Variants in ANK1 observed in about 807,000 individuals in gnomAD.
ANK1 encodes the protein ankyrin-1.
Under a neutral mutation model 210.4 loss-of-function variants are expected in ANK1, and 51 were observed. That is an observed-to-expected ratio of 0.24 (90% CI 0.19 to 0.31). The LOEUF is 0.31. ANK1 is among the 10% of genes least tolerant of loss of function. The pLI is 1.00. For missense variants in ANK1, 2,051 were observed against 2,504.4 expected (o/e 0.82, Z 3.86); for synonymous variants, 967 against 1,025.9 (o/e 0.94, Z 1.10).
chr8:41,846,470 G>C (rs1333123462), intron 1 of ANK1, among the ~76,000 whole-genome samples: 3 of 152,218 alleles, frequency 2.0e-5, no homozygotes, highest in African/African-American at 7.2e-5. Context: ...TGTGTCACCT[G>C]CCCCATCTGA....
intron 1 of ANK1, among the ~76,000 whole-genome samples, chr8:41,874,220 TC>T (rs1290106754): frequency 6.6e-6 from 1 of 152,210 alleles, no homozygotes; most frequent in Admixed American, 6.5e-5. Flanking sequence ...CTGAACTGTC[TC>T]AGGGACACCC....
chr8:41,709,678 T>C (rs1223601005), intron 16 of ANK1, among the ~76,000 whole-genome samples: 1 of 152,234 alleles, frequency 6.6e-6, no homozygotes, highest in Non-Finnish European at 1.5e-5. Flanking sequence ...TTCATGCCTG[T>C]ATTCCCAACA....
At chr8:41,784,996 C>T (rs753398880) in intron 1 of ANK1, among the ~76,000 whole-genome samples, 10 of 152,234 alleles carry the variant, frequency 6.6e-5, no homozygotes, top group Non-Finnish European at 1.3e-4. Context: ...GGAAGAGCGA[C>T]GCTGGGCTTT....
At chr8:41,811,300 T>C (rs1231519002) in intron 1 of ANK1, among the ~76,000 whole-genome samples, 2 of 152,192 alleles carry the variant, frequency 1.3e-5, no homozygotes, top group African/African-American at 4.8e-5. Flanking sequence ...ATTCCTCTCA[T>C]AGTTATCTTG....
At chr8:41,718,083 G>A in intron 11 of ANK1, 23 bp downstream of exon 11, 3 of 1,611,638 alleles carry the variant, frequency 1.9e-6, no homozygotes, top group Non-Finnish European at 2.5e-6. Context: ...CCTGCCCCCA[G>A]GCTCCTCTGC....
intron 10 of ANK1, 125 bp from the exon 11 acceptor site, chr8:41,718,329 A>G (rs934303562): frequency 8.7e-6 from 7 of 803,702 alleles, no homozygotes; most frequent in Non-Finnish European, 1.5e-5. Context: ...ATGCCCATAG[A>G]CCAATCAACG....
chr8:41,664,919 A>G, intron 39 of ANK1: 2 of 1,614,256 alleles, frequency 1.2e-6, no homozygotes, highest in Non-Finnish European at 1.7e-6. Context: ...GCTTTAGCAC[A>G]AAGCACAGGG....
chr8:41,887,469 G>A (rs551940485), intron 1 of ANK1, among the ~76,000 whole-genome samples: 36 of 152,108 alleles, frequency 2.4e-4, no homozygotes, highest in African/African-American at 8.2e-4. Flanking sequence ...GTGTTGCCCA[G>A]GCTGGTCTTG....
intron 37 of ANK1, among the ~76,000 whole-genome samples, chr8:41,679,786 G>C (rs1586005990): frequency 6.6e-6 from 1 of 151,102 alleles, no homozygotes; most frequent in South Asian, 2.1e-4. Flanking sequence ...GGATGGTCTC[G>C]ATCTCCTGAC....
chr8:41,791,557 G>A (rs924681533), intron 1 of ANK1, among the ~76,000 whole-genome samples: 1 of 151,834 alleles, frequency 6.6e-6, no homozygotes, highest in African/African-American at 2.4e-5. Flanking sequence ...TCAGCCTCCT[G>A]AGTAGCTGGG....
At chr8:41,735,231 GT>G (rs1194976190) in intron 2 of ANK1, among the ~76,000 whole-genome samples, 1 of 152,216 alleles carries the variant, frequency 6.6e-6, no homozygotes, top group Non-Finnish European at 1.5e-5. Context: ...ACATCAAGGA[GT>G]GCTACTCGGA....
At chr8:41,794,373 A>C (rs1367760665) in intron 1 of ANK1, among the ~76,000 whole-genome samples, 1 of 151,894 alleles carries the variant, frequency 6.6e-6, no homozygotes, top group African/African-American at 2.4e-5. Flanking sequence ...TTTCCTCTGG[A>C]GTTTGGCCTG....
upstream of ANK1, among the ~76,000 whole-genome samples, chr8:41,802,089 C>A (rs1467076000): frequency 6.6e-6 from 1 of 152,054 alleles, no homozygotes; most frequent in Non-Finnish European, 1.5e-5. Context: ...TCCCGGGTTC[C>A]AGCAATTCTC....
chr8:41,698,138 C>G lies in ANK1; in HGVS notation c.2559-17G>C. ...GATTCCACCCTGCGTGCCAAGAACA[C>G]CAGAACATCACAGGGCTGATCCACA... On this transcript the variant is annotated splice_polypyrimidine_tract_variant and intron_variant, in intron 23 of 42. Coordinates refer to ENST00000289734, the MANE Select transcript of ANK1 (RefSeq NM_000037.4). 1 of 1,613,468 alleles carries G rather than the reference C, an allele frequency of 6.2e-7. No individual in the cohort carries two copies. Among genetic ancestry groups the G allele is most frequent in the Non-Finnish European group, 8.5e-7 (1 of 1,179,548 alleles).
At position 41,679,621 on chromosome 8, in the gene ANK1, G is replaced by A. The variant is rs541741314; in HGVS notation, c.4537+4923C>T. On this transcript the variant is annotated intron_variant, in intron 37 of 42. Transcript: ENST00000289734. ...TCTGTGGCCCAGGCGGGAGTGCAGT[G>A]GCGCAATCTCGGCTCACTGCAAGCT... 4.2e-5 allele frequency among the ~76,000 whole-genome samples: 6 copies of A among 142,492 alleles called. No individual in the cohort carries two copies. In the East Asian group the frequency reaches 1.3e-3, roughly 30 times the overall value. 93.5% of individuals were successfully genotyped at this position (142,492 alleles called of 152,430 possible).
chr8:41,685,644 TA>T (rs1015498487), intron 36 of ANK1, among the ~76,000 whole-genome samples: 4 of 103,500 alleles, frequency 3.9e-5, no homozygotes, highest in Non-Finnish European at 9.0e-5. Context: ...ATTTTTATGT[TA>T]TTTTTTTTAG....
intron 1 of ANK1, among the ~76,000 whole-genome samples, chr8:41,767,615 G>T (rs1842132604): frequency 6.6e-6 from 1 of 152,124 alleles, no homozygotes; most frequent in Non-Finnish European, 1.5e-5. Flanking sequence ...AATGCGAAGC[G>T]CTCTCCGGAG....
At chr8:41,763,314 G>C (rs1050225502) in intron 1 of ANK1, among the ~76,000 whole-genome samples, 1 of 152,012 alleles carries the variant, frequency 6.6e-6, no homozygotes, top group Non-Finnish European at 1.5e-5. Context: ...TTCTGTTGTT[G>C]CCATAATAGA....
intron 1 of ANK1, among the ~76,000 whole-genome samples, chr8:41,883,455 T>C (rs559487683): frequency 6.6e-6 from 1 of 151,948 alleles, no homozygotes; most frequent in Non-Finnish European, 1.5e-5. Flanking sequence ...TGTTTGTTTG[T>C]TTGTTTGTTT....
Sources: allele counts gnomAD v4.1 joint callset (sites outside exome capture counted in the v4.1 genomes callset), GRCh38; gene constraint gnomAD v4.1.1; transcripts MANE v1.5; gene names NCBI Gene and HGNC (gene_info 2026-07-23, HGNC 2026-07-21).